The following EIF2AK2 variants were observed in gnomAD, a reference collection of about 807,000 sequenced individuals.
The protein encoded by EIF2AK2 is interferon-induced, double-stranded RNA-activated protein kinase.
Under a neutral mutation model 70.5 loss-of-function variants are expected in EIF2AK2, and 40 were observed. That is an observed-to-expected ratio of 0.57 (90% CI 0.44 to 0.74). The LOEUF (loss-of-function observed/expected upper bound fraction) is 0.74. Among genes scored for constraint, EIF2AK2 ranks in the 30% least tolerant of loss-of-function variants. The probability of loss-of-function intolerance (pLI) is 0.00; values close to 1 mark genes in which losing one functional copy is unlikely to be tolerated. For synonymous variants in EIF2AK2, 198 were observed against 220.9 expected (o/e 0.90, Z 0.92); for missense variants, 555 against 644.3 (o/e 0.86, Z 1.50).
At position 37,156,970 on chromosome 2, in the gene EIF2AK2, T is replaced by G. The variant is rs1257402395; in HGVS notation, c.-246A>C. On this transcript the variant is annotated 5_prime_UTR_variant, in exon 1 of 17. Transcript: ENST00000233057. ...AGACCCGCGGCTTCGGGAGAGCTGG[T>G]TCTCAGTTTCGTTTTCCCCTTGGAC... 5.4e-6 allele frequency: 1 copy of G among 183,800 alleles called. No individual in the cohort carries two copies. Among genetic ancestry groups the G allele is most frequent in the African/African-American group, 2.4e-5 (1 of 41,624 alleles). The allele number at this position is 183,800 out of a possible 1,614,324, so 11.4% of individuals were successfully genotyped here.
rs2307468 is a variant in EIF2AK2 at position 37,149,134 on chromosome 2, T to G, written c.-183-111A>C. 3.5e-4 allele frequency: 323 copies of G among 923,798 alleles called. 2 individuals carry two copies. In the African/African-American group the frequency reaches 4.6e-3, roughly 13 times the overall value. The allele number at this position is 923,798 out of a possible 1,614,324, so 57.2% of individuals were successfully genotyped here. ...GATAGCCAGGGTCTCCTGATTTTTATTGGGATGGACCTCGATGCCTCGATG... is the reference window on the plus strand; with the variant it reads ...GATAGCCAGGGTCTCCTGATTTTTAGTGGGATGGACCTCGATGCCTCGATG... On this transcript the variant is annotated intron_variant, in intron 1 of 16. Transcript: ENST00000233057.
Position 37,146,911 on chromosome 2 carries a change from T to C in EIF2AK2, c.182A>G (p.Lys61Arg). ...EFPEGEGRSKKEAKNAAAKLA... is the reference protein window; with the variant it reads ...EFPEGEGRSKREAKNAAAKLA... ...TTTGGCTGCGGCATTTTTTGCTTCC[T>C]TCTTTGATCTACCTTCACCTTCTGG... The change falls in exon 4 of 17, where the codon AAG (lysine) becomes AGG (arginine). Residue 61 changes from lysine (K) to arginine (R), a missense_variant. By Grantham distance (26) the Lys-to-Arg change is conservative. Coordinates refer to ENST00000233057, the MANE Select transcript of EIF2AK2 (RefSeq NM_001135651.3). The C allele has an allele frequency of 6.2e-7, 1 of 1,613,968 alleles. No homozygotes were observed. The highest frequency in any genetic ancestry group is 8.5e-7 in the Non-Finnish European group (1 of 1,180,014).
intron 10 of EIF2AK2, among the ~76,000 whole-genome samples, chr2:37,128,648 C>T (rs557949383): frequency 6.6e-6 from 1 of 152,314 alleles, no homozygotes; most frequent in Non-Finnish European, 1.5e-5. Flanking sequence ...TAAACAAATT[C>T]TATTTCACAG....
chr2:37,119,440 G>A (rs1674455540), intron 13 of EIF2AK2, among the ~76,000 whole-genome samples: 1 of 152,126 alleles, frequency 6.6e-6, no homozygotes, highest in South Asian at 2.1e-4. Context: ...AGAGGAGGCA[G>A]GAGGAACAGG....
At chr2:37,126,096 T>C (rs1674718894) in intron 11 of EIF2AK2, among the ~76,000 whole-genome samples, 193 bp downstream of exon 11, 1 of 152,176 alleles carries the variant, frequency 6.6e-6, no homozygotes, top group African/African-American at 2.4e-5. Context: ...GGTATATCCA[T>C]TTTTATTGAA....
chr2:37,142,165 T>C (rs1322587709), intron 4 of EIF2AK2, among the ~76,000 whole-genome samples: 1 of 152,132 alleles, frequency 6.6e-6, no homozygotes, highest in Non-Finnish European at 1.5e-5. Context: ...GGGTGTCACT[T>C]TGTCACCCAG....
intron 6 of EIF2AK2, among the ~76,000 whole-genome samples, chr2:37,139,136 T>G (rs1374246993): frequency 6.6e-6 from 1 of 151,378 alleles, no homozygotes; most frequent in African/African-American, 2.4e-5. Flanking sequence ...GCCAACATAG[T>G]GAAACCCCAT....
chr2:37,153,986 T>C (rs941659730), intron 1 of EIF2AK2, among the ~76,000 whole-genome samples: 44 of 152,220 alleles, frequency 2.9e-4, no homozygotes, highest in Admixed American at 2.8e-3. Flanking sequence ...TCACTTGTTA[T>C]TATCTGTTTT....
intron 14 of EIF2AK2, among the ~76,000 whole-genome samples, chr2:37,113,483 A>C (rs1279376949): frequency 7.0e-6 from 1 of 142,650 alleles, no homozygotes; most frequent in African/African-American, 2.6e-5. Context: ...TGGTGACAAG[A>C]GCAAAACTCC....
intron 9 of EIF2AK2, among the ~76,000 whole-genome samples, chr2:37,135,984 T>C (rs866720372): frequency 1.3e-5 from 2 of 152,190 alleles, no homozygotes; most frequent in Non-Finnish European, 2.9e-5. Context: ...TGGCCTCTAA[T>C]ACTTTTTCAT....
intron 1 of EIF2AK2, among the ~76,000 whole-genome samples, chr2:37,152,512 C>G (rs570161736): frequency 6.6e-6 from 1 of 152,252 alleles, no homozygotes; most frequent in African/African-American, 2.4e-5. Context: ...AACTCCTGAA[C>G]TCCAGTGATC....
chr2:37,116,039 G>A (rs899121813), intron 13 of EIF2AK2, among the ~76,000 whole-genome samples: 1 of 152,072 alleles, frequency 6.6e-6, no homozygotes, highest in African/African-American at 2.4e-5. Flanking sequence ...TGGGATTACA[G>A]GCATGTGCCA....
chr2:37,148,707 T>C, intron 2 of EIF2AK2, 150 bp downstream of exon 2: 1 of 824,308 alleles, frequency 1.2e-6, no homozygotes, highest in Non-Finnish European at 2.1e-6. Context: ...TTTCATCACA[T>C]AAAAATTTAT....
intron 1 of EIF2AK2, among the ~76,000 whole-genome samples, chr2:37,155,687 C>G (rs1159754719): frequency 6.6e-6 from 1 of 152,188 alleles, no homozygotes; most frequent in Non-Finnish European, 1.5e-5. Flanking sequence ...GTCCATCTTA[C>G]TAATGCCCAG....
rs975022412 is a variant in EIF2AK2, at chr2:37,114,783, T to A, written c.1325A>T (p.Asp442Val). The change falls in exon 14 of 17, where the codon GAT (aspartate) becomes GTT (valine). Residue 442 changes from aspartate (D) to valine (V), a missense_variant. Asp to Val is a radical substitution (Grantham distance 152, BLOSUM62 -3). Around this residue, in one of 3 missense-constraint regions of EIF2AK2, gnomAD observed 299 missense variants for 375.4 expected, o/e 0.80. Coordinates refer to ENST00000233057, the MANE Select transcript of EIF2AK2 (RefSeq NM_001135651.3). ...DFGLVTSLKN[D>V]GKRTRSKGTL... is the part of the protein sequence containing the mutation. ...TCCCTTACTCCTTGTTCGCTTTCCA[T>A]CATTTTTCAGAGATGTTACAAGTCC... 2 of 1,605,812 alleles carry A rather than the reference T, an allele frequency of 1.2e-6. No homozygotes were observed. The highest frequency in any genetic ancestry group is 1.7e-5 in the Admixed American group (1 of 59,126).
Position 37,107,512 on chromosome 2 carries a change from G to A in EIF2AK2, c.1495C>T (p.Arg499Trp), listed in dbSNP as rs761814238. 12 of 1,611,380 alleles carry A rather than the reference G, an allele frequency of 7.4e-6. No homozygotes were observed. Among genetic ancestry groups the A allele is most frequent in the African/African-American group, 5.4e-5 (4 of 74,664 alleles). ...FETSKFFTDLRDGIISDIFDK... is the reference protein window; with the variant it reads ...FETSKFFTDLWDGIISDIFDK... The stretch of plus-strand genomic sequence containing the variant: ...AATATATCTGAGATGATGCCATCCC[G>A]TAGGTCTGTGAAAAACTGGAAAAAA... Residue 499 changes from arginine (R) to tryptophan (W), a missense_variant, in exon 16 of 17, where the codon CGG becomes TGG. By Grantham distance (101) the Arg-to-Trp change is moderately radical (BLOSUM62 -3). Coordinates refer to ENST00000233057, the MANE Select transcript of EIF2AK2 (RefSeq NM_001135651.3).
intron 1 of EIF2AK2, among the ~76,000 whole-genome samples, chr2:37,152,365 T>C (rs185098786): frequency 7.9e-5 from 12 of 152,266 alleles, no homozygotes; most frequent in African/African-American, 2.6e-4. Flanking sequence ...CACTGCAGCA[T>C]CTGCCTCCCA....
At position 37,149,236 on chromosome 2, in the gene EIF2AK2, C is replaced by G. The variant is rs1675661226; in HGVS notation, c.-183-213G>C. ...GTGGAGCTGAATGCCACTGTGACCGCAAGTCACAAAGTATGAGCAAACTGA... is the reference window on the plus strand; with the variant it reads ...GTGGAGCTGAATGCCACTGTGACCGGAAGTCACAAAGTATGAGCAAACTGA... On this transcript the variant is annotated intron_variant, in intron 1 of 16. Transcript: ENST00000233057. 5 of 1,095,036 alleles carry G rather than the reference C, an allele frequency of 4.6e-6. No individual in the cohort carries two copies. In the Admixed American group the frequency reaches 8.6e-5, roughly 19 times the overall value. The allele number at this position is 1,095,036 out of a possible 1,614,324, so 67.8% of individuals were successfully genotyped here.
chr2:37,156,451 G>C (rs1675931370), intron 1 of EIF2AK2, among the ~76,000 whole-genome samples: 1 of 152,136 alleles, frequency 6.6e-6, no homozygotes, highest in Non-Finnish European at 1.5e-5. Context: ...ACTGCGGCCA[G>C]GCAATTGGGA....
Sources: gnomAD v4.1 joint callset for allele counts (sites outside exome capture counted in the v4.1 genomes callset) on GRCh38, gnomAD v4.1.1 for gene constraint, gnomAD v4.1.1 regional missense constraint, MANE v1.5 for transcripts, NCBI Gene and HGNC (gene_info 2026-07-23, HGNC 2026-07-21) for gene names.